Variants in LCP1 observed in about 807,000 individuals in gnomAD.
The protein encoded by LCP1 is lymphocyte cytosolic protein 1.
A neutral mutation model predicts 72.0 loss-of-function variants in LCP1; 23 were observed. The observed-to-expected ratio is 0.32, with a 90% confidence interval of 0.23 to 0.45. LCP1 has a LOEUF of 0.45. LCP1 is among the 20% of genes least tolerant of loss of function. The pLI is 1.00. For missense variants in LCP1, 571 were observed against 748.3 expected (o/e 0.76, Z 2.76); for synonymous variants, 245 against 275.4 (o/e 0.89, Z 1.09).
chr13:46,177,614 T>C (rs533952971), intron 1 of LCP1, among the ~76,000 whole-genome samples: 51 of 152,190 alleles, frequency 3.4e-4, no homozygotes, highest in Non-Finnish European at 3.4e-4. Flanking sequence ...TACTCCAGCC[T>C]GGGTGAGCCA....
chr13:46,143,862 C>T lies in LCP1; in HGVS notation c.1254-458G>A, dbSNP rs77045653. On this transcript the variant is annotated intron_variant, in intron 11 of 15. Transcript: ENST00000323076. ...CGGGTGGATCATGAGGTCAAGAGATCAAGACCATCCTGGCCAACAAGGTGG... is the reference window on the plus strand; with the variant it reads ...CGGGTGGATCATGAGGTCAAGAGATTAAGACCATCCTGGCCAACAAGGTGG... 8.8e-3 allele frequency among the ~76,000 whole-genome samples: 1,339 copies of T among 152,228 alleles called. 20 individuals are homozygous for T. The highest frequency in any genetic ancestry group is 9.8e-3 in the Non-Finnish European group (669 of 68,022).
chr13:46,152,112 T>G (rs1593953304), intron 7 of LCP1, among the ~76,000 whole-genome samples: 1 of 152,246 alleles, frequency 6.6e-6, no homozygotes, highest in South Asian at 2.1e-4. Flanking sequence ...AGGTGGTTAC[T>G]GTTGGTCAAG....
At position 46,166,386 on chromosome 13, in the gene LCP1, G is replaced by C. The variant is rs74074012; in HGVS notation, c.-24-6700C>G. Among the ~76,000 whole-genome samples, 1,500 of 152,248 alleles carry C rather than the reference G, an allele frequency of 9.9e-3. 28 individuals carry two copies. Among genetic ancestry groups the C allele is most frequent in the African/African-American group, 0.033 (1,379 of 41,522 alleles). On this transcript the variant is annotated intron_variant, in intron 1 of 15. Transcript: ENST00000323076. The stretch of plus-strand genomic sequence containing the variant: ...TATTTTGATTCAATATACTGATGCT[G>C]AATCATATAACCTGCCAGGATCAGG...
At chr13:46,134,950 A>T (rs1238561230) in intron 13 of LCP1, among the ~76,000 whole-genome samples, 2 of 152,002 alleles carry the variant, frequency 1.3e-5, no homozygotes, top group Non-Finnish European at 2.9e-5. Context: ...CCAAAAACAC[A>T]CACAAAAAAT....
chr13:46,177,686 G>A lies in LCP1; in HGVS notation c.-25+4425C>T, dbSNP rs193262751. 8.9e-3 allele frequency among the ~76,000 whole-genome samples: 1,355 copies of A among 152,208 alleles called. 20 individuals are homozygous for A. Among genetic ancestry groups the A allele is most frequent in the African/African-American group, 0.03 (1,262 of 41,512 alleles). On this transcript the variant is annotated intron_variant, in intron 1 of 15. Coordinates refer to ENST00000323076, the MANE Select transcript of LCP1 (RefSeq NM_002298.5). ...TGCACTCCAGCCTGGGCGACAGAGT[G>A]AAACTCTGTCTCAAAAAACAAACAA...
chr13:46,175,700 G>A (rs1302857748), intron 1 of LCP1, among the ~76,000 whole-genome samples: 1 of 152,088 alleles, frequency 6.6e-6, no homozygotes, highest in South Asian at 2.1e-4. Context: ...CAACATGAAT[G>A]ACAGCAAGAA....
chr13:46,176,842 TGTGTGTGTGTGTTTCC>T (rs1455020360), intron 1 of LCP1, among the ~76,000 whole-genome samples: 13 of 151,464 alleles, frequency 8.6e-5, no homozygotes, highest in Non-Finnish European at 1.5e-5. Flanking sequence ...TGTGAGTGAG[TGTGTGTGTGTGTTTCC>T]GTGTATGTGT....
At chr13:46,142,067 A>G (rs2045701779) in intron 13 of LCP1, among the ~76,000 whole-genome samples, 2 of 152,160 alleles carry the variant, frequency 1.3e-5, no homozygotes, top group African/African-American at 4.8e-5. Context: ...ATGAAACAAC[A>G]ATCTAAACTG....
At chr13:46,156,673 G>A in intron 4 of LCP1, 103 bp from the exon 5 acceptor site, 1 of 1,259,000 alleles carries the variant, frequency 7.9e-7, no homozygotes, top group Non-Finnish European at 1.2e-6. Flanking sequence ...AGAGAGATGT[G>A]AGTTTATTCA....
intron 7 of LCP1, 130 bp from the exon 8 acceptor site, chr13:46,151,208 T>C: frequency 1.2e-6 from 1 of 810,492 alleles, no homozygotes; most frequent in Non-Finnish European, 1.9e-6. Flanking sequence ...TAAAGGTTCT[T>C]GTAGCCTTTC....
intron 15 of LCP1, among the ~76,000 whole-genome samples, chr13:46,130,127 T>C (rs558384847): frequency 2.0e-5 from 3 of 152,342 alleles, no homozygotes; most frequent in Non-Finnish European, 4.4e-5. Flanking sequence ...CAGTACTTCG[T>C]TGTGGCAGCC....
At chr13:46,138,473 A>G (rs2045678194) in intron 13 of LCP1, among the ~76,000 whole-genome samples, 1 of 152,236 alleles carries the variant, frequency 6.6e-6, no homozygotes, top group Non-Finnish European at 1.5e-5. Flanking sequence ...ACTCATGAGA[A>G]ATATGACTTT....
chr13:46,129,599 C>A (rs1593939856), intron 15 of LCP1, among the ~76,000 whole-genome samples: 1 of 152,082 alleles, frequency 6.6e-6, no homozygotes, highest in Non-Finnish European at 1.5e-5. Flanking sequence ...TTATTTATTT[C>A]TCTCCATTAA....
chr13:46,157,978 T>C (rs756599623), intron 4 of LCP1, among the ~76,000 whole-genome samples: 3 of 152,224 alleles, frequency 2.0e-5, no homozygotes, highest in Admixed American at 6.5e-5. Flanking sequence ...CCACCCGCCT[T>C]GGCCTCCCAA....
intron 1 of LCP1, among the ~76,000 whole-genome samples, chr13:46,171,914 G>A (rs898681808): frequency 2.6e-5 from 4 of 152,218 alleles, no homozygotes; most frequent in African/African-American, 9.6e-5. Context: ...ACAAGTATTC[G>A]CAGAATGCGA....
chr13:46,132,027 G>A (rs1460327709), intron 14 of LCP1, among the ~76,000 whole-genome samples: 1 of 149,470 alleles, frequency 6.7e-6, no homozygotes, highest in East Asian at 1.9e-4. Flanking sequence ...TAAAGAGTGG[G>A]TTGTGTTCAT....
intron 11 of LCP1, among the ~76,000 whole-genome samples, chr13:46,144,191 C>G (rs1482659308): frequency 2.0e-5 from 3 of 152,172 alleles, no homozygotes; most frequent in Non-Finnish European, 4.4e-5. Flanking sequence ...TGTAAGATCA[C>G]TTATGACATA....
In LCP1 at chr13:46,142,435, C is replaced by T. The variant is rs1423091508; in HGVS notation, c.1369-10G>A. ...AGTTACAATTCTCAAGCTGAATGAGCAGAAAGGAAAACGATTTAACGTCAT... is the reference window on the plus strand; with the variant it reads ...AGTTACAATTCTCAAGCTGAATGAGTAGAAAGGAAAACGATTTAACGTCAT... On this transcript the variant is annotated splice_polypyrimidine_tract_variant and intron_variant, in intron 12 of 15. Transcript: ENST00000323076. 1.9e-6 allele frequency: 3 copies of T among 1,611,788 alleles called. No individual in the cohort carries two copies. The highest frequency in any genetic ancestry group is 2.5e-6 in the Non-Finnish European group (3 of 1,178,534).
At chr13:46,135,660 G>A (rs777923155) in intron 13 of LCP1, among the ~76,000 whole-genome samples, 3 of 151,432 alleles carry the variant, frequency 2.0e-5, no homozygotes, top group African/African-American at 4.9e-5. Flanking sequence ...CACCTCGTAA[G>A]TCTCCCTCAA....
Sources: allele counts gnomAD v4.1 joint callset (sites outside exome capture counted in the v4.1 genomes callset), GRCh38; gene constraint gnomAD v4.1.1; transcripts MANE v1.5; gene names NCBI Gene and HGNC (gene_info 2026-07-23, HGNC 2026-07-21).